Variants in SNTG1 observed in about 807,000 individuals in gnomAD.
The protein encoded by SNTG1 is syntrophin gamma 1, also known as gamma-1-syntrophin.
In SNTG1, 39 loss-of-function variants were observed where a neutral mutation model predicts 74.7. The observed-to-expected ratio is 0.52, with a 90% CI of 0.40 to 0.68. SNTG1 has a LOEUF of 0.68. SNTG1 is among the 30% of genes least tolerant of loss of function. The probability of loss-of-function intolerance (pLI) is 0.00; values close to 1 mark genes in which losing one functional copy is unlikely to be tolerated. For missense variants in SNTG1, 685 were observed against 609.5 expected, an observed-to-expected ratio of 1.12 and a Z score of -1.30; for synonymous variants, 254 against 217.1, an observed-to-expected ratio of 1.17 and a Z score of -1.49.
chr8:50,380,475 A>G (rs1413707663), intron 2 of SNTG1, among the ~76,000 whole-genome samples: 1 of 152,206 alleles, frequency 6.6e-6, no homozygotes, highest in Non-Finnish European at 1.5e-5. Flanking sequence ...TCTTCAGTAA[A>G]CTGAACTGTC....
At chr8:50,607,658 T>C (rs1263470988) in intron 13 of SNTG1, among the ~76,000 whole-genome samples, 1 of 151,734 alleles carries the variant, frequency 6.6e-6, no homozygotes, top group Admixed American at 6.6e-5. Flanking sequence ...GAACCACATT[T>C]GATTTCTGTG....
intron 1 of SNTG1, among the ~76,000 whole-genome samples, chr8:49,944,993 T>C (rs1809044967): frequency 2.0e-5 from 3 of 152,110 alleles, no homozygotes; most frequent in Admixed American, 2.0e-4. Context: ...TTTCACCAGT[T>C]GGGCAGGCTA....
chr8:50,432,211 T>C (rs527806056), intron 4 of SNTG1, among the ~76,000 whole-genome samples: 1 of 152,332 alleles, frequency 6.6e-6, no homozygotes, highest in Admixed American at 6.5e-5. Context: ...ATAGTATACA[T>C]GCCTTTTCTT....
In SNTG1 at chr8:50,438,669, G is replaced by A. The variant is rs866598325; in HGVS notation, c.219+70G>A. The A allele has an allele frequency of 5.4e-6, 7 of 1,300,398 alleles. 1 individual carries two copies. In the Middle Eastern group the frequency reaches 7.4e-4, roughly 137 times the overall value. 80.6% of individuals were successfully genotyped at this position (1,300,398 alleles called of 1,614,324 possible). A position where few individuals can be genotyped will look rare whatever the true frequency, so the allele number is the denominator to read the frequency against. ...GAGCTGAACTTTGGTGCATTTCAAT[G>A]TTTGCTGATTAATAATTAGACAAGG... is the stretch of plus-strand genomic sequence containing the variant. On this transcript the variant is annotated intron_variant, in intron 5 of 18. Coordinates refer to ENST00000642720, the MANE Select transcript of SNTG1 (RefSeq NM_018967.5).
chr8:50,597,661 C>A, intron 13 of SNTG1, among the ~76,000 whole-genome samples: 1 of 151,898 alleles, frequency 6.6e-6, no homozygotes, highest in East Asian at 1.9e-4. Flanking sequence ...TACCAATTTA[C>A]ATTCCCAACA....
chr8:50,493,950 T>C (rs1420317186), intron 8 of SNTG1, among the ~76,000 whole-genome samples: 2 of 151,834 alleles, frequency 1.3e-5, no homozygotes, highest in Non-Finnish European at 2.9e-5. Flanking sequence ...AAATTTCTTT[T>C]AGAAATATTA....
At chr8:50,612,686 T>A (rs1369765668) in intron 13 of SNTG1, among the ~76,000 whole-genome samples, 1 of 152,162 alleles carries the variant, frequency 6.6e-6, no homozygotes, top group African/African-American at 2.4e-5. Flanking sequence ...TATATCTGAC[T>A]TATTTTCTAT....
At chr8:50,057,095 A>G (rs976249089) in intron 1 of SNTG1, among the ~76,000 whole-genome samples, 2 of 152,162 alleles carry the variant, frequency 1.3e-5, no homozygotes, top group Admixed American at 6.6e-5. Context: ...AATATTTAAA[A>G]TTGTTATAGT....
upstream of SNTG1, among the ~76,000 whole-genome samples, chr8:49,910,373 T>G (rs76009606): frequency 0.013 from 1,935 of 148,700 alleles, 42 homozygotes; most frequent in African/African-American, 0.044. Context: ...ATAACCTCCT[T>G]GTGCAGAAAT....
intron 8 of SNTG1, among the ~76,000 whole-genome samples, chr8:50,469,807 C>T (rs907453963): frequency 5.3e-5 from 8 of 152,078 alleles, no homozygotes; most frequent in Non-Finnish European, 7.4e-5. Flanking sequence ...GGTGAAACCC[C>T]GTCTCTACTA....
At chr8:50,421,058 G>GGA (rs2093079306) in intron 4 of SNTG1, among the ~76,000 whole-genome samples, 1 of 107,752 alleles carries the variant, frequency 9.3e-6, no homozygotes, top group African/African-American at 3.3e-5. Context: ...GGGGAGGGGG[G>GGA]GGCGAAGATA....
chr8:50,579,444 A>T (rs934319815), intron 12 of SNTG1, among the ~76,000 whole-genome samples: 3 of 152,210 alleles, frequency 2.0e-5, no homozygotes, highest in Admixed American at 2.0e-4. Flanking sequence ...TGAAGAGCTG[A>T]AAGTTAATTA....
rs531025749 is a variant in SNTG1 at position 50,716,958 on chromosome 8, G to A, written c.1284+7980G>A. 4.5e-4 allele frequency among the ~76,000 whole-genome samples: 69 copies of A among 151,898 alleles called. 1 individual carries two copies. Among genetic ancestry groups the A allele is most frequent in the Middle Eastern group, 6.8e-3 (2 of 294 alleles). ...TCACCGTGTTAGCTAGGATGGACTC[G>A]ATCTCCTGACCTCGTGATCCGCCTG... is the stretch of plus-strand genomic sequence containing the variant. On this transcript the variant is annotated intron_variant, in intron 17 of 18. Transcript: ENST00000642720.
chr8:50,759,812 T>C (rs1161458218), intron 18 of SNTG1, among the ~76,000 whole-genome samples: 2 of 152,148 alleles, frequency 1.3e-5, no homozygotes, highest in East Asian at 3.9e-4. Flanking sequence ...TGCTTAGGAT[T>C]GTCCTGGCTA....
At chr8:50,191,434 T>C (rs774225164) in intron 2 of SNTG1, among the ~76,000 whole-genome samples, 21 of 152,162 alleles carry the variant, frequency 1.4e-4, no homozygotes, top group African/African-American at 3.4e-4. Context: ...TAGTGTTCCA[T>C]TGATTCACAA....
chr8:50,409,360 CT>C (rs1296992203), intron 4 of SNTG1, among the ~76,000 whole-genome samples: 1 of 152,128 alleles, frequency 6.6e-6, no homozygotes, highest in African/African-American at 2.4e-5. Flanking sequence ...TTATTAACTA[CT>C]TTTGAGGAAC....
At chr8:50,090,123 G>T (rs929708143) in intron 1 of SNTG1, among the ~76,000 whole-genome samples, 2 of 152,144 alleles carry the variant, frequency 1.3e-5, no homozygotes, top group African/African-American at 2.4e-5. Context: ...TCAATTAATT[G>T]TATACCAGTC....
chr8:50,402,341 T>C lies in SNTG1; in HGVS notation c.159T>C (p.Ser53=), dbSNP rs763821630. Residue 53 remains serine, a synonymous_variant, in exon 4 of 19, where the codon TCT becomes TCC. Transcript: ENST00000642720. ...GTGTGTCTGGTGAGCCTTTCTATTC[T>C]GGTGTAAGTAGCTTTTTCTTCTGTT... ...VICVSGEPFY[S]GERTVTIRRQ... 4 of 1,580,652 alleles carry C rather than the reference T, an allele frequency of 2.5e-6. No individual in the cohort carries two copies. Among genetic ancestry groups the C allele is most frequent in the East Asian group, 2.2e-5 (1 of 44,592 alleles).
At chr8:50,502,269 G>T (rs2625735) in intron 8 of SNTG1, among the ~76,000 whole-genome samples, 21,550 of 152,070 alleles carry the variant, frequency 0.14, 1,662 homozygotes, top group African/African-American at 0.19. Flanking sequence ...GGGTCAATTT[G>T]CTTTAATCTG....
Sources: allele counts gnomAD v4.1 joint callset (sites outside exome capture counted in the v4.1 genomes callset), GRCh38; gene constraint gnomAD v4.1.1; transcripts MANE v1.5; gene names NCBI Gene and HGNC (gene_info 2026-07-23, HGNC 2026-07-21).